Variants in MINAR1 observed in about 807,000 individuals in gnomAD.
MINAR1 encodes major intrinsically disordered Notch2-binding receptor 1.
Under a neutral mutation model 65.1 loss-of-function variants are expected in MINAR1, and 40 were observed. The observed-to-expected ratio is 0.61, with a 90% confidence interval of 0.48 to 0.80. The LOEUF is 0.80. MINAR1 is among the 30% of genes least tolerant of loss of function. The pLI is 0.00. For synonymous variants in MINAR1, 482 were observed against 449.1 expected, an observed-to-expected ratio of 1.07 and a Z score of -0.93; for missense variants, 1,128 against 1,148.0, an observed-to-expected ratio of 0.98 and a Z score of 0.25.
chr15:79,463,806 G>C, intron 3 of MINAR1: 1 of 452,306 alleles, frequency 2.2e-6, no homozygotes, highest in Non-Finnish European at 4.5e-6. Flanking sequence ...TGTGGCTGGA[G>C]GGCATGTTTT....
At position 79,471,943 on chromosome 15, in the gene MINAR1, G is replaced by A. The variant is rs1266080409; in HGVS notation, c.*3559G>A. On this transcript the variant is annotated 3_prime_UTR_variant, in exon 4 of 4. Transcript: ENST00000305428. ...GATACAAGTAATTGTTGGTATAATTGGGGAAAAGGGTATTCAATATTTATT... is the reference window on the plus strand; with the variant it reads ...GATACAAGTAATTGTTGGTATAATTAGGGAAAAGGGTATTCAATATTTATT... 6.6e-6 allele frequency: 1 copy of A among 152,484 alleles called. No homozygotes were observed. The highest frequency in any genetic ancestry group is 2.4e-5 in the African/African-American group (1 of 41,406). The allele number at this position is 152,484 out of a possible 1,614,324, so 9.4% of individuals were successfully genotyped here. A position where few individuals can be genotyped will look rare whatever the true frequency, so the allele number is the denominator to read the frequency against.
At chr15:79,429,817 G>A (rs1894396780), upstream of MINAR1, among the ~76,000 whole-genome samples, 1 of 152,210 alleles carries the variant, frequency 6.6e-6, no homozygotes, top group Non-Finnish European at 1.5e-5. Context: ...GGGGAAGATG[G>A]GCTGTGCACA....
rs1896093316 is a variant in MINAR1 at position 79,471,742 on chromosome 15, G to A, written c.*3358G>A. On this transcript the variant is annotated 3_prime_UTR_variant, in exon 4 of 4. Coordinates refer to ENST00000305428, the MANE Select transcript of MINAR1 (RefSeq NM_015206.3). Reference sequence around the variant, plus strand: ...TTTTTTTTTGAAATAGAAAAAAACAGAAGAAGCTCTGCCAACAATAAAAGA... The same window carrying A: ...TTTTTTTTTGAAATAGAAAAAAACAAAAGAAGCTCTGCCAACAATAAAAGA... 6.6e-6 allele frequency: 1 copy of A among 151,398 alleles called. No individual in the cohort carries two copies. Among genetic ancestry groups the A allele is most frequent in the African/African-American group, 2.4e-5 (1 of 40,926 alleles). 9.4% of individuals were successfully genotyped at this position (151,398 alleles called of 1,614,324 possible).
chr15:79,447,210 T>C (rs1332664322), intron 1 of MINAR1, among the ~76,000 whole-genome samples: 1 of 152,178 alleles, frequency 6.6e-6, no homozygotes, highest in African/African-American at 2.4e-5. Context: ...TTTATCTTTG[T>C]ATCTCTTTGT....
intron 2 of MINAR1, among the ~76,000 whole-genome samples, chr15:79,459,894 A>G (rs976084126): frequency 6.6e-6 from 1 of 152,054 alleles, no homozygotes; most frequent in Non-Finnish European, 1.5e-5. Context: ...CTTGGGTTCT[A>G]TTGTCACTAT....
chr15:79,468,443 G>T lies in MINAR1; in HGVS notation c.*59G>T. The T allele has an allele frequency of 6.8e-7, 1 of 1,478,062 alleles. No homozygotes were observed. The highest frequency in any genetic ancestry group is 9.3e-7 in the Non-Finnish European group (1 of 1,078,164). The allele number at this position is 1,478,062 out of a possible 1,614,324, so 91.6% of individuals were successfully genotyped here. ...TACCAATGTCGTCGTCTGTATCTTA[G>T]AATCTTGCAGCAGTGAGGCAACAAT... is the stretch of plus-strand genomic sequence containing the variant. On this transcript the variant is annotated 3_prime_UTR_variant, in exon 4 of 4. Coordinates refer to ENST00000305428, the MANE Select transcript of MINAR1 (RefSeq NM_015206.3).
chr15:79,457,312 T>C lies in MINAR1; in HGVS notation c.1165T>C (p.Ser389Pro). The C allele has an allele frequency of 6.2e-7, 1 of 1,614,130 alleles. No individual in the cohort carries two copies. The highest frequency in any genetic ancestry group is 1.1e-5 in the South Asian group (1 of 91,074). ...ACGGTCCTTTTTCAATAGAAATCCC[T>C]CCGAGGAGAAGCTACACTATCCAAA... is the stretch of plus-strand genomic sequence containing the variant. ...FERSFFNRNP[S>P]EEKLHYPNAS... Residue 389 changes from serine to proline, a missense_variant, in exon 2 of 4, where the codon TCC becomes CCC. Coordinates refer to ENST00000305428, the MANE Select transcript of MINAR1 (RefSeq NM_015206.3).
intron 1 of MINAR1, among the ~76,000 whole-genome samples, chr15:79,446,408 AG>A (rs1450070760): frequency 6.6e-6 from 1 of 152,122 alleles, no homozygotes; most frequent in African/African-American, 2.4e-5. Context: ...TTTTACAATA[AG>A]GAATATGAGT....
intron 1 of MINAR1, among the ~76,000 whole-genome samples, chr15:79,442,149 G>A (rs993966130): frequency 1.3e-5 from 2 of 149,812 alleles, no homozygotes; most frequent in South Asian, 2.1e-4. Context: ...TTCAATTTTG[G>A]GATCTTGTGT....
intron 1 of MINAR1, among the ~76,000 whole-genome samples, chr15:79,454,417 T>C (rs1458269668): frequency 6.6e-6 from 1 of 152,234 alleles, no homozygotes; most frequent in African/African-American, 2.4e-5. Context: ...GTTGGGTACA[T>C]GTGAACTGTG....
intron 1 of MINAR1, among the ~76,000 whole-genome samples, chr15:79,451,185 G>A (rs1475173848): frequency 6.6e-6 from 1 of 152,100 alleles, no homozygotes; most frequent in Admixed American, 6.6e-5. Context: ...CAGAAATTTG[G>A]GGTGGCTTTT....
At position 79,458,348 on chromosome 15, in the gene MINAR1, G is replaced by A. The variant is rs140205068; in HGVS notation, c.2201G>A (p.Arg734His). ...ASISNSPRDW[R>H]TITYTNRVGL... ...ATCTCCAACTCGCCCAGAGACTGGC[G>A]CACCATCACTTATACCAACCGTGTG... Residue 734 changes from arginine (R) to histidine (H), a missense_variant, in exon 2 of 4, where the codon CGC becomes CAC. Arg to His is a conservative substitution (Grantham distance 29, BLOSUM62 0). Transcript: ENST00000305428. The A allele has an allele frequency of 1.2e-4, 198 of 1,614,056 alleles. No homozygotes were observed. The highest frequency in any genetic ancestry group is 4.5e-4 in the Admixed American group (27 of 60,016).
At chr15:79,453,232 C>T (rs969757943) in intron 1 of MINAR1, among the ~76,000 whole-genome samples, 1 of 152,104 alleles carries the variant, frequency 6.6e-6, no homozygotes, top group Non-Finnish European at 1.5e-5. Flanking sequence ...TCCACAGTGG[C>T]TCTTCCACCC....
At chr15:79,428,070 C>T (rs896869466), upstream of MINAR1, among the ~76,000 whole-genome samples, 1 of 151,976 alleles carries the variant, frequency 6.6e-6, no homozygotes, top group Non-Finnish European at 1.5e-5. Flanking sequence ...GAGGAGGAAA[C>T]AGTTTTCCCG....
At chr15:79,447,317 A>G (rs888593338) in intron 1 of MINAR1, among the ~76,000 whole-genome samples, 6 of 152,182 alleles carry the variant, frequency 3.9e-5, no homozygotes, top group Admixed American at 2.6e-4. Context: ...TGTGTTTTGT[A>G]TTTTAATGAT....
rs1375023899 is a variant in MINAR1, at chr15:79,457,123, G to A, written c.976G>A (p.Ala326Thr). The A allele has an allele frequency of 3.1e-6, 5 of 1,614,128 alleles. No individual in the cohort carries two copies. The Admixed American group carries it at 8.3e-5, about 27-fold the overall frequency. The change falls in exon 2 of 4, where the codon GCA becomes ACA. Residue 326 changes from alanine to threonine, a missense_variant. By Grantham distance (58) the Ala-to-Thr change is moderately conservative. Transcript: ENST00000305428. ...VYSPVPDKRRAKHESLDDLQA... is the reference protein window; with the variant it reads ...VYSPVPDKRRTKHESLDDLQA... ...TTCCCCGGTTCCTGACAAAAGGCGA[G>A]CAAAGCACGAAAGCTTAGATGACCT...
intron 1 of MINAR1, among the ~76,000 whole-genome samples, chr15:79,440,704 T>A (rs1434804308): frequency 6.6e-6 from 1 of 152,076 alleles, no homozygotes; most frequent in African/African-American, 2.4e-5. Flanking sequence ...GTTTGCTCCA[T>A]TGCCTCCTTC....
At chr15:79,454,525 G>A (rs914167364) in intron 1 of MINAR1, among the ~76,000 whole-genome samples, 1 of 152,218 alleles carries the variant, frequency 6.6e-6, no homozygotes, top group Non-Finnish European at 1.5e-5. Flanking sequence ...ATGTGTGTCT[G>A]TAAGTCTTAG....
At chr15:79,467,705 G>T (rs1207022083) in intron 3 of MINAR1, among the ~76,000 whole-genome samples, 1 of 152,178 alleles carries the variant, frequency 6.6e-6, no homozygotes, top group African/African-American at 2.4e-5. Context: ...CATCTTGGAG[G>T]TTCCTTTGAT....
Sources: gnomAD v4.1 joint callset for allele counts (sites outside exome capture counted in the v4.1 genomes callset) on GRCh38, gnomAD v4.1.1 for gene constraint, MANE v1.5 for transcripts, NCBI Gene and HGNC (gene_info 2026-07-23, HGNC 2026-07-21) for gene names.